The following ZBTB4 variants were observed in gnomAD, a reference collection of about 807,000 sequenced individuals.
ZBTB4 encodes zinc finger and BTB domain containing 4.
In ZBTB4, 14 loss-of-function variants were observed where a neutral mutation model predicts 59.8. The observed-to-expected ratio is 0.23, with a 90% CI of 0.15 to 0.37. The LOEUF is 0.37. ZBTB4 is among the 10% of genes least tolerant of loss of function. The pLI is 1.00. For synonymous variants in ZBTB4, 587 were observed against 575.2 expected, an observed-to-expected ratio of 1.02 and a Z score of -0.29; for missense variants, 1,198 against 1,380.8, an observed-to-expected ratio of 0.87 and a Z score of 2.10.
Position 7,463,678 on chromosome 17 carries a change from G to A in ZBTB4, c.1304C>T (p.Pro435Leu), listed in dbSNP as rs772776788. The A allele has an allele frequency of 2.4e-5, 38 of 1,613,590 alleles. No homozygotes were observed. The highest frequency in any genetic ancestry group is 6.7e-5 in the East Asian group (3 of 44,894). ...GAGGGTTGGAGAAAGGGGAGCCTCC[G>A]GGGCTCCCTGGCTGTAGGTCTTGTA... ...RPYKTYSQGA[P>L]EAPLSPTLNT... The change falls in exon 4 of 4, where the codon CCG (proline) becomes CTG (leucine). Residue 435 changes from proline to leucine, a missense_variant. Coordinates refer to ENST00000380599, the MANE Select transcript of ZBTB4 (RefSeq NM_001128833.2).
chr17:7,464,290 C>G (rs1355718400), intron 3 of ZBTB4, among the ~76,000 whole-genome samples: 1 of 152,144 alleles, frequency 6.6e-6, no homozygotes, highest in Non-Finnish European at 1.5e-5. Flanking sequence ...CTAGGCCTTC[C>G]CCACAGCAGC....
In ZBTB4 at chr17:7,461,032, G is replaced by C. The variant is rs1441133976; in HGVS notation, c.*908C>G. 2.0e-5 allele frequency: 3 copies of C among 152,624 alleles called. No individual in the cohort carries two copies. The highest frequency in any genetic ancestry group is 7.2e-5 in the African/African-American group (3 of 41,450). 9.5% of individuals were successfully genotyped at this position (152,624 alleles called of 1,614,324 possible). A position where few individuals can be genotyped will look rare whatever the true frequency, so the allele number is the denominator to read the frequency against. ...ATCAGGAAAAAAAAACAGGGAGAAA[G>C]TAGATTCCCTTCTCCATCCCATATG... On this transcript the variant is annotated 3_prime_UTR_variant, in exon 4 of 4. Transcript: ENST00000380599.
Position 7,462,627 on chromosome 17 carries a change from C to G in ZBTB4, c.2355G>C (p.Gln785His), listed in dbSNP as rs554070283. 1.2e-5 allele frequency: 20 copies of G among 1,608,692 alleles called. No homozygotes were observed. The highest frequency in any genetic ancestry group is 1.6e-5 in the Non-Finnish European group (19 of 1,177,748). The change falls in exon 4 of 4, where the codon CAG becomes CAC. Residue 785 changes from glutamine to histidine, a missense_variant. Gln to His is a conservative substitution (Grantham distance 24, BLOSUM62 0). Coordinates refer to ENST00000380599, the MANE Select transcript of ZBTB4 (RefSeq NM_001128833.2). The surrounding 1 kb of genome is among the most constrained non-coding windows in gnomAD (Gnocchi z 7.5). ...CCCCGGGCCGCTCAGCAGCATGCCT[C>G]TGCCCGTGGCGGCTCAGGGCAGCTG... is the stretch of plus-strand genomic sequence containing the variant. ...KTAAALSRHG[Q>H]RHAAERPGGT...
In ZBTB4 at chr17:7,462,636, G is replaced by T; in HGVS notation, c.2346C>A (p.Arg782=). The T allele has an allele frequency of 6.2e-7, 1 of 1,608,314 alleles. No individual in the cohort carries two copies. Among genetic ancestry groups the T allele is most frequent in the Non-Finnish European group, 8.5e-7 (1 of 1,177,886 alleles). ...KVCKTAAALS[R]HGQRHAAERP... is the part of the protein sequence containing the mutation. ...GCTCAGCAGCATGCCTCTGCCCGTG[G>T]CGGCTCAGGGCAGCTGCGGTCTTGC... The change falls in exon 4 of 4, where the codon CGC becomes CGA. Residue 782 remains arginine, a synonymous_variant. Transcript: ENST00000380599. This position sits in a 1 kb window ranked among gnomAD's most constrained non-coding sequence, Gnocchi z 7.5.
rs746909513 is a variant in ZBTB4 at position 7,466,805 on chromosome 17, G to A, written c.-4C>T. The A allele has an allele frequency of 1.3e-6, 2 of 1,554,104 alleles. No homozygotes were observed. Among genetic ancestry groups the A allele is most frequent in the Admixed American group, 3.8e-5 (2 of 52,064 alleles). On this transcript the variant is annotated 5_prime_UTR_variant, in exon 3 of 4. Transcript: ENST00000380599. This position sits in a 1 kb window ranked among gnomAD's most constrained non-coding sequence, Gnocchi z 9.1. ...TCACCTCTGCAGGGGGGGGCATGGT[G>A]CCAGCCTAGACAGTGGGAGAAGAGG...
At chr17:7,472,123 C>T (rs1394788779) in intron 1 of ZBTB4, among the ~76,000 whole-genome samples, 1 of 152,166 alleles carries the variant, frequency 6.6e-6, no homozygotes, top group Non-Finnish European at 1.5e-5. Context: ...TCCCTGGCCA[C>T]TCCCCACCTT....
rs879048676 is a variant in ZBTB4, at chr17:7,460,121, TTG to T, written c.*1817_*1818del. 5.4e-4 allele frequency: 82 copies of T among 152,652 alleles called. No homozygotes were observed. The highest frequency in any genetic ancestry group is 3.4e-3 in the Middle Eastern group (1 of 294). The allele number at this position is 152,652 out of a possible 1,614,324, so 9.5% of individuals were successfully genotyped here. A position where few individuals can be genotyped will look rare whatever the true frequency, so the allele number is the denominator to read the frequency against. On this transcript the variant is annotated 3_prime_UTR_variant, in exon 4 of 4. Transcript: ENST00000380599. ...TGGGAATTTTTAGTGATTTTTTTTT[TTG>T]TGTGTTTTTCCCCATTTGAAACCTT...
chr17:7,482,230 T>C, upstream of ZBTB4: 1 of 1,613,986 alleles, frequency 6.2e-7, no homozygotes, highest in Admixed American at 1.7e-5. Context: ...TCCACCTCCC[T>C]ATTGCCCTGC....
chr17:7,478,969 G>A (rs2070306519), intron 1 of ZBTB4, among the ~76,000 whole-genome samples: 1 of 152,112 alleles, frequency 6.6e-6, no homozygotes, highest in Non-Finnish European at 1.5e-5. Flanking sequence ...CGGTTCCGGG[G>A]CCCCAGCTCG....
chr17:7,480,258 T>C (rs1597783622), upstream of ZBTB4, among the ~76,000 whole-genome samples: 1 of 152,132 alleles, frequency 6.6e-6, no homozygotes, highest in African/African-American at 2.4e-5. Flanking sequence ...TGCAGAGGCC[T>C]TGGTGTCGGC....
chr17:7,475,790 C>T (rs1193530539), intron 1 of ZBTB4, among the ~76,000 whole-genome samples: 2 of 152,142 alleles, frequency 1.3e-5, no homozygotes, highest in Non-Finnish European at 2.9e-5. Flanking sequence ...AGGGATATAC[C>T]TTACTCGAGG....
Position 7,463,600 on chromosome 17 carries a change from G to A in ZBTB4, c.1382C>T (p.Pro461Leu). The A allele has an allele frequency of 1.2e-6, 2 of 1,602,250 alleles. No homozygotes were observed. The highest frequency in any genetic ancestry group is 1.7e-6 in the Non-Finnish European group (2 of 1,174,326). ...MPASPPPGPP[P>L]APEPGPPPSV... ...GGGTGGAGGGCCAGGCTCTGGGGCAGGTGGAGGCCCAGGCGGCGGGCTGGC... is the reference window on the plus strand; with the variant it reads ...GGGTGGAGGGCCAGGCTCTGGGGCAAGTGGAGGCCCAGGCGGCGGGCTGGC... Residue 461 changes from proline (P) to leucine (L), a missense_variant, in exon 4 of 4, where the codon CCT (proline) becomes CTT (leucine). Pro to Leu is a moderately conservative substitution (Grantham distance 98). Transcript: ENST00000380599.
chr17:7,472,622 C>A (rs2070213138), intron 1 of ZBTB4, among the ~76,000 whole-genome samples: 1 of 148,986 alleles, frequency 6.7e-6, no homozygotes, highest in Non-Finnish European at 1.5e-5. Context: ...TGAGCCACTG[C>A]ACCTGGCCAT....
chr17:7,464,664 CCT>C (rs1202849571), intron 3 of ZBTB4, among the ~76,000 whole-genome samples: 3 of 151,682 alleles, frequency 2.0e-5, no homozygotes, highest in African/African-American at 7.3e-5. Flanking sequence ...ATGGTGAAAC[CCT>C]GTCTCTACTA....
rs1166644046 is a variant in ZBTB4 at position 7,466,002 on chromosome 17, C to A, written c.800G>T (p.Gly267Val). 1 of 1,606,890 alleles carries A rather than the reference C, an allele frequency of 6.2e-7. No homozygotes were observed. Among genetic ancestry groups the A allele is most frequent in the East Asian group, 2.2e-5 (1 of 44,724 alleles). Residue 267 changes from glycine to valine, a missense_variant, in exon 3 of 4, where the codon GGG (glycine) becomes GTG (valine). This residue lies in a region of ZBTB4 where 204 missense variants were observed against 205.5 expected (regional missense o/e 0.99). Coordinates refer to ENST00000380599, the MANE Select transcript of ZBTB4 (RefSeq NM_001128833.2). This position sits in a 1 kb window ranked among gnomAD's most constrained non-coding sequence, Gnocchi z 9.1. Reference sequence around the variant, plus strand: ...AGGGCCAGCGCCCCCAGCTCCCAGCCCTGTAGACCCCCGCGTGCTGGCCCC... The same window carrying A: ...AGGGCCAGCGCCCCCAGCTCCCAGCACTGTAGACCCCCGCGTGCTGGCCCC... ...RRGASTRGST[G>V]LGAGGAGPGG...
chr17:7,467,089 T>G (rs914136433), intron 2 of ZBTB4, 168 bp downstream of exon 2: 16 of 886,072 alleles, frequency 1.8e-5, no homozygotes, highest in Middle Eastern at 5.7e-4. Flanking sequence ...AGTCACAGAC[T>G]AGAGATGTAA....
chr17:7,467,293 G>A lies in ZBTB4; in HGVS notation c.-46C>T, dbSNP rs2070141332. The stretch of plus-strand genomic sequence containing the variant: ...GCCAACATGGAGTGGGGCGGGGGGT[G>A]GCTCAGCGAGTCCCTTCTGCTGGGC... On this transcript the variant is annotated 5_prime_UTR_variant, in exon 2 of 4. Transcript: ENST00000380599. 1 of 978,654 alleles carries A rather than the reference G, an allele frequency of 1.0e-6. No homozygotes were observed. Among genetic ancestry groups the A allele is most frequent in the African/African-American group, 1.7e-5 (1 of 57,218 alleles). The allele number at this position is 978,654 out of a possible 1,614,324, so 60.6% of individuals were successfully genotyped here.
At chr17:7,476,211 A>G (rs1023568476) in intron 1 of ZBTB4, among the ~76,000 whole-genome samples, 3 of 152,180 alleles carry the variant, frequency 2.0e-5, no homozygotes, top group African/African-American at 7.2e-5. Context: ...GTTCAGGACT[A>G]TCACTCCTGG....
chr17:7,480,476 T>C (rs920372020), upstream of ZBTB4, among the ~76,000 whole-genome samples: 1 of 152,050 alleles, frequency 6.6e-6, no homozygotes, highest in Non-Finnish European at 1.5e-5. Flanking sequence ...TCCCAGCACT[T>C]TGGGAGGCCG....
Sources: gnomAD v4.1 joint callset for allele counts (sites outside exome capture counted in the v4.1 genomes callset) on GRCh38, gnomAD v4.1.1 for gene constraint, gnomAD v4.1.1 regional missense constraint, Gnocchi (gnomAD v3.1) non-coding constraint, MANE v1.5 for transcripts, NCBI Gene and HGNC (gene_info 2026-07-23, HGNC 2026-07-21) for gene names.